UMODL1: variants seen among roughly 807,000 people sequenced by gnomAD.
The protein encoded by UMODL1 is uromodulin like 1, also known as uromodulin-like 1.
UMODL1 carries 128 observed loss-of-function variants against 136.3 expected under a neutral mutation model. The observed-to-expected ratio is 0.94, with a 90% CI of 0.81 to 1.09. The LOEUF is 1.09. UMODL1 is among the 50% of genes least tolerant of loss of function. The pLI is 0.00. For missense variants in UMODL1, 1,766 were observed against 1,725.6 expected, an observed-to-expected ratio of 1.02 and a Z score of -0.41; for synonymous variants, 721 against 720.0, an observed-to-expected ratio of 1.00 and a Z score of -0.02.
At position 42,111,115 on chromosome 21, in the gene UMODL1, G is replaced by A. The variant is rs763940221; in HGVS notation, c.1893G>A (p.Glu631=). 6.2e-7 allele frequency: 1 copy of A among 1,608,946 alleles called. No individual in the cohort carries two copies. The highest frequency in any genetic ancestry group is 8.5e-7 in the Non-Finnish European group (1 of 1,178,002). The stretch of plus-strand genomic sequence containing the variant: ...GGAACAACACAGGAAAAGGCGTGGA[G>A]CAGGAGGTGCCCAGCACTGCCCCGG... ...YDRNNTGKGV[E]QELQGNSIME... is the part of the protein sequence containing the mutation. The change falls in exon 11 of 23, where the codon GAG becomes GAA. Residue 631 remains glutamate, a synonymous_variant. Transcript: ENST00000408910.
In UMODL1 at chr21:42,111,591, G is replaced by A. The variant is rs1266092950; in HGVS notation, c.1985G>A (p.Arg662His). The change falls in exon 12 of 23, where the codon CGT becomes CAT. Residue 662 changes from arginine (R) to histidine (H), a missense_variant. Coordinates refer to ENST00000408910, the MANE Select transcript of UMODL1 (RefSeq NM_001004416.3). The stretch of plus-strand genomic sequence containing the variant: ...GGCCACTTCCTGTGGCATGCCACCC[G>A]TTCCACCCGGGAAACACTTCTGAAT... ...PTGHFLWHAT[R>H]STRETLLNPT... 12 of 1,613,992 alleles carry A rather than the reference G, an allele frequency of 7.4e-6. No homozygotes were observed. Among genetic ancestry groups the A allele is most frequent in the African/African-American group, 2.7e-5 (2 of 74,916 alleles).
At chr21:42,088,235 C>A (rs866902517) in intron 4 of UMODL1, 59 bp from the exon 5 acceptor site, 2 of 1,570,520 alleles carry the variant, frequency 1.3e-6, no homozygotes, top group South Asian at 2.3e-5. Flanking sequence ...GCCTCAGTCT[C>A]CTCGTCTGTC....
Position 42,103,891 on chromosome 21 carries a change from G to C in UMODL1, c.1323G>C (p.Val441=). Residue 441 remains valine (V), a synonymous_variant, in exon 9 of 23, where the codon GTG becomes GTC. Coordinates refer to ENST00000408910, the MANE Select transcript of UMODL1 (RefSeq NM_001004416.3). The stretch of plus-strand genomic sequence containing the variant: ...AGGTCGAGAGCTCCTTCCCACCAGT[G>C]GTGTCTGACTTGTACCGAAGTGGGA... ...LHEVESSFPP[V]VSDLYRSGKL... is the part of the protein sequence containing the mutation. 2.5e-6 allele frequency: 4 copies of C among 1,614,164 alleles called. No homozygotes were observed. The highest frequency in any genetic ancestry group is 3.4e-6 in the Non-Finnish European group (4 of 1,180,034).
intron 10 of UMODL1, among the ~76,000 whole-genome samples, 151 bp from the exon 11 acceptor site, chr21:42,110,727 AAC>A (rs2066808872): frequency 6.6e-6 from 1 of 152,086 alleles, no homozygotes. Context: ...GGGCCCAGGA[AAC>A]ACTCCTGAAC....
chr21:42,137,408 A>C, intron 21 of UMODL1, 31 bp from the exon 22 acceptor site: 1 of 1,612,074 alleles, frequency 6.2e-7, no homozygotes, highest in Non-Finnish European at 8.5e-7. Context: ...GTTTGTGCAG[A>C]TCTCTCACCT....
chr21:42,095,460 TTG>T (rs374448014), intron 6 of UMODL1, among the ~76,000 whole-genome samples: 3 of 146,798 alleles, frequency 2.0e-5, no homozygotes, highest in Admixed American at 7.0e-5. Flanking sequence ...GCCTTCTCCT[TTG>T]TGTGTGTGTG....
At chr21:42,071,243 T>C, upstream of UMODL1, 13 of 1,389,064 alleles carry the variant, frequency 9.4e-6, no homozygotes, top group South Asian at 2.2e-4. Context: ...CAGGCCCCTA[T>C]GAGCCCTGGC....
In UMODL1 at chr21:42,139,518, A is replaced by G. The variant is rs2067250965; in HGVS notation, c.*21+1877A>G. Among the ~76,000 whole-genome samples, 2 of 152,146 alleles carry G rather than the reference A, an allele frequency of 1.3e-5. 1 individual carries two copies. The highest frequency in any genetic ancestry group is 4.1e-4 in the South Asian group (2 of 4,820). ...TAATATGGGGATCACATTGAACATG[A>G]AATTTGGGTGGGGACACAGACCCAC... On this transcript the variant is annotated intron_variant, in intron 22 of 22. Coordinates refer to ENST00000408910, the MANE Select transcript of UMODL1 (RefSeq NM_001004416.3).
At chr21:42,068,812 A>G (rs2066204518), upstream of UMODL1, among the ~76,000 whole-genome samples, 1 of 152,158 alleles carries the variant, frequency 6.6e-6, no homozygotes. This position sits in a 1 kb window ranked among gnomAD's most constrained non-coding sequence, Gnocchi z 5.5. Context: ...GTGTCGGTGC[A>G]CATGTGAGTG....
At chr21:42,128,337 G>A (rs1280131793) in intron 20 of UMODL1, among the ~76,000 whole-genome samples, 1 of 152,136 alleles carries the variant, frequency 6.6e-6, no homozygotes, top group African/African-American at 2.4e-5. Flanking sequence ...GTAATCCTGA[G>A]GTTTGAAAAC....
intron 4 of UMODL1, chr21:42,086,680 A>G: frequency 2.2e-6 from 1 of 453,634 alleles, no homozygotes. Context: ...AAACATAAAT[A>G]ATCGGCCAGG....
rs202150975 is a variant in UMODL1 at position 42,127,037 on chromosome 21, G to C, written c.3325G>C (p.Ala1109Pro). 8.7e-6 allele frequency: 14 copies of C among 1,614,084 alleles called. No homozygotes were observed. Among genetic ancestry groups the C allele is most frequent in the African/African-American group, 2.7e-5 (2 of 74,932 alleles). Residue 1109 changes from alanine (A) to proline (P), a missense_variant, in exon 19 of 23, where the codon GCT becomes CCT. Coordinates refer to ENST00000408910, the MANE Select transcript of UMODL1 (RefSeq NM_001004416.3). ...VYTIIEDLHG[A>P]GNFVTEMQLF... ...CACCATCATCGAGGACCTCCACGGC[G>C]CTGGGAATTTTGTTACCGAAATGCA...
chr21:42,085,530 C>A lies in UMODL1; in HGVS notation c.603+118C>A. 1 of 1,485,326 alleles carries A rather than the reference C, an allele frequency of 6.7e-7. No individual in the cohort carries two copies. Among genetic ancestry groups the A allele is most frequent in the Non-Finnish European group, 9.2e-7 (1 of 1,091,178 alleles). The allele number at this position is 1,485,326 out of a possible 1,614,324, so 92.0% of individuals were successfully genotyped here. On this transcript the variant is annotated intron_variant, in intron 4 of 22. Transcript: ENST00000408910. This position sits in a 1 kb window ranked among gnomAD's most constrained non-coding sequence, Gnocchi z 4.5. ...GGGGAGGGTGATGTTCCCCAAATGG[C>A]CCCAAATGACTGACTCTGAACGAAA...
Position 42,113,620 on chromosome 21 carries a change from G to C in UMODL1, c.2152G>C (p.Gly718Arg). The C allele has an allele frequency of 6.2e-7, 1 of 1,614,068 alleles. No homozygotes were observed. Among genetic ancestry groups the C allele is most frequent in the Non-Finnish European group, 8.5e-7 (1 of 1,180,024 alleles). Residue 718 changes from glycine to arginine, a missense_variant, in exon 13 of 23, where the codon GGC (glycine) becomes CGC (arginine). Transcript: ENST00000408910. Reference protein sequence around the residue: ...RIMVSNVTSTGFHLAWEADLA... With the variant: ...RIMVSNVTSTRFHLAWEADLA... ...CATGGTCTCCAATGTGACCAGCACC[G>C]GCTTCCACCTGGCATGGGAGGCGGA...
At chr21:42,088,253 G>A (rs769667010) in intron 4 of UMODL1, 41 bp from the exon 5 acceptor site, 17 of 1,591,674 alleles carry the variant, frequency 1.1e-5, no homozygotes, top group Non-Finnish European at 1.5e-5. Context: ...GTCTGACGGG[G>A]TGTCCTTCTG....
At chr21:42,100,192 C>T (rs554555220) in intron 7 of UMODL1, among the ~76,000 whole-genome samples, 38 of 152,220 alleles carry the variant, frequency 2.5e-4, no homozygotes, top group African/African-American at 5.8e-4. Context: ...TTCTGGGTTC[C>T]GATGTGTGTC....
At chr21:42,114,053 G>C (rs1047336938) in intron 13 of UMODL1, among the ~76,000 whole-genome samples, 3 of 152,240 alleles carry the variant, frequency 2.0e-5, no homozygotes, top group African/African-American at 7.2e-5. Context: ...GTATGGAGGC[G>C]GCAGCAGAGT....
At position 42,071,370 on chromosome 21, in the gene UMODL1, A is replaced by G; in HGVS notation, c.54A>G (p.Pro18=). Residue 18 remains proline (P), a synonymous_variant, in exon 1 of 23, where the codon CCA becomes CCG. Coordinates refer to ENST00000408910, the MANE Select transcript of UMODL1 (RefSeq NM_001004416.3). ...ALLALVSAVG[P]SQASGFTEKG... ...TGGCTCTGGTCAGTGCTGTGGGCCC[A>G]AGCCAGGCCAGCGGCTTCACAGGTG... The G allele has an allele frequency of 6.3e-7, 1 of 1,595,026 alleles. No homozygotes were observed. Among genetic ancestry groups the G allele is most frequent in the Non-Finnish European group, 8.5e-7 (1 of 1,171,184 alleles).
intron 14 of UMODL1, among the ~76,000 whole-genome samples, chr21:42,117,591 A>G (rs1229287356): frequency 6.6e-6 from 1 of 152,202 alleles, no homozygotes; most frequent in Non-Finnish European, 1.5e-5. Flanking sequence ...GTCTGAGCTC[A>G]GCACAGAGAG....
Sources: gnomAD v4.1 joint callset for allele counts (sites outside exome capture counted in the v4.1 genomes callset) on GRCh38, gnomAD v4.1.1 for gene constraint, Gnocchi (gnomAD v3.1) non-coding constraint, MANE v1.5 for transcripts, NCBI Gene and HGNC (gene_info 2026-07-23, HGNC 2026-07-21) for gene names.